CDKAL1: variants seen among roughly 807,000 people sequenced by gnomAD.
CDKAL1 encodes CDKAL1 threonylcarbamoyladenosine tRNA methylthiotransferase.
CDKAL1 carries 32 observed loss-of-function variants against 68.2 expected under a neutral mutation model. That is an observed-to-expected ratio of 0.47 (90% confidence interval 0.35 to 0.63). The LOEUF is 0.63. Among genes scored for constraint, CDKAL1 ranks in the 30% least tolerant of loss-of-function variants. The probability of loss-of-function intolerance (pLI) is 0.00; values close to 1 mark genes in which losing one functional copy is unlikely to be tolerated. For synonymous variants in CDKAL1, 234 were observed against 244.3 expected, an observed-to-expected ratio of 0.96 and a Z score of 0.39; for missense variants, 606 against 696.7, an observed-to-expected ratio of 0.87 and a Z score of 1.47.
chr6:21,005,575 A>G (rs574957522), intron 11 of CDKAL1, among the ~76,000 whole-genome samples: 1 of 152,186 alleles, frequency 6.6e-6, no homozygotes, highest in Non-Finnish European at 1.5e-5. Flanking sequence ...ATTTGAATGA[A>G]TTAATAAACG....
At chr6:20,593,254 C>T (rs1397049805) in intron 4 of CDKAL1, among the ~76,000 whole-genome samples, 1 of 152,136 alleles carries the variant, frequency 6.6e-6, no homozygotes, top group African/African-American at 2.4e-5. Flanking sequence ...GTACCAGCTC[C>T]TCTTTGTACC....
At chr6:21,047,384 C>G (rs950306260) in intron 11 of CDKAL1, among the ~76,000 whole-genome samples, 2 of 152,262 alleles carry the variant, frequency 1.3e-5, no homozygotes, top group East Asian at 1.9e-4. Context: ...TTGTGAATCT[C>G]CACTTATTCC....
At chr6:20,641,867 G>A (rs1768194564) in intron 4 of CDKAL1, among the ~76,000 whole-genome samples, 1 of 152,120 alleles carries the variant, frequency 6.6e-6, no homozygotes, top group African/African-American at 2.4e-5. Flanking sequence ...GGTATGTGAT[G>A]TAAGTATCCT....
At position 20,740,453 on chromosome 6, in the gene CDKAL1, A is replaced by C. The variant is rs1398897072; in HGVS notation, c.468+838A>C. ...GCCCTGAAGTAGCTGATATTCAGTC[A>C]ATATTTGTTGATCAAATGATGGTGC... On this transcript the variant is annotated intron_variant, in intron 6 of 15. Transcript: ENST00000274695. Among the ~76,000 whole-genome samples the C allele has an allele frequency of 2.0e-5, 3 of 152,262 alleles. No homozygotes were observed. In the East Asian group the frequency reaches 5.8e-4, roughly 29 times the overall value.
intron 7 of CDKAL1, among the ~76,000 whole-genome samples, chr6:20,779,003 A>G (rs961883344): frequency 2.6e-5 from 4 of 152,350 alleles, no homozygotes; most frequent in Admixed American, 2.0e-4. Flanking sequence ...ATTCTACTGA[A>G]TAAGAAATAC....
At chr6:20,631,106 A>C (rs983948820) in intron 4 of CDKAL1, among the ~76,000 whole-genome samples, 4 of 152,190 alleles carry the variant, frequency 2.6e-5, no homozygotes, top group African/African-American at 4.8e-5. Flanking sequence ...TTTTAAGTCC[A>C]TTGTGTTGTC....
At chr6:20,558,360 A>G (rs1764141898) in intron 4 of CDKAL1, among the ~76,000 whole-genome samples, 1 of 152,210 alleles carries the variant, frequency 6.6e-6, no homozygotes, top group Admixed American at 6.5e-5. Context: ...ATCTGCCCAG[A>G]CAACAAAAAT....
chr6:20,547,635 T>G (rs760828681), intron 3 of CDKAL1, among the ~76,000 whole-genome samples: 46 of 152,222 alleles, frequency 3.0e-4, no homozygotes, highest in Non-Finnish European at 6.3e-4. Flanking sequence ...ACTAAGCTTT[T>G]AAATTCTTGG....
chr6:20,874,852 G>A (rs536396509), intron 9 of CDKAL1, among the ~76,000 whole-genome samples: 16 of 152,004 alleles, frequency 1.1e-4, no homozygotes, highest in Non-Finnish European at 2.1e-4. Flanking sequence ...ATGAGAGGGC[G>A]ACTTCAGAAG....
chr6:20,919,195 A>G (rs1264086960), intron 9 of CDKAL1, among the ~76,000 whole-genome samples: 5 of 152,232 alleles, frequency 3.3e-5, no homozygotes, highest in Non-Finnish European at 7.3e-5. Context: ...AAGAGGAAGG[A>G]TAACTGATAG....
At chr6:20,996,604 A>G (rs980558072) in intron 10 of CDKAL1, among the ~76,000 whole-genome samples, 1 of 152,212 alleles carries the variant, frequency 6.6e-6, no homozygotes, top group African/African-American at 2.4e-5. Flanking sequence ...GGTTTGTGGC[A>G]CCCCAAAATA....
At chr6:20,940,991 G>A (rs561825659) in intron 9 of CDKAL1, among the ~76,000 whole-genome samples, 1 of 152,138 alleles carries the variant, frequency 6.6e-6, no homozygotes, top group East Asian at 1.9e-4. Flanking sequence ...TCGGGAGGCT[G>A]AGGCAGAATG....
chr6:20,981,263 G>C (rs755216263), intron 10 of CDKAL1, among the ~76,000 whole-genome samples: 31 of 152,196 alleles, frequency 2.0e-4, no homozygotes, highest in African/African-American at 6.7e-4. Context: ...TTAATGAGTC[G>C]TTTTGAATGT....
At chr6:20,624,269 A>G (rs1767326053) in intron 4 of CDKAL1, among the ~76,000 whole-genome samples, 1 of 152,166 alleles carries the variant, frequency 6.6e-6, no homozygotes, top group East Asian at 1.9e-4. Context: ...CACTTGAGAA[A>G]TACTATTTAG....
chr6:21,079,283 C>G (rs1482145058), intron 12 of CDKAL1, among the ~76,000 whole-genome samples: 1 of 152,034 alleles, frequency 6.6e-6, no homozygotes, highest in African/African-American at 2.4e-5. Context: ...TGTTAAATAG[C>G]TTTAAACTGT....
chr6:20,926,490 G>A (rs1763194986), intron 9 of CDKAL1, among the ~76,000 whole-genome samples: 1 of 152,046 alleles, frequency 6.6e-6, no homozygotes, highest in African/African-American at 2.4e-5. Context: ...GTTACAAGGA[G>A]AAGAGGCACA....
chr6:21,015,649 G>A (rs984660761), intron 11 of CDKAL1, among the ~76,000 whole-genome samples: 4 of 151,936 alleles, frequency 2.6e-5, no homozygotes, highest in South Asian at 2.1e-4. Context: ...CGTGATAGCC[G>A]GGTGCGGTGG....
intron 11 of CDKAL1, among the ~76,000 whole-genome samples, chr6:21,014,449 A>G (rs1307175455): frequency 6.6e-6 from 1 of 152,076 alleles, no homozygotes; most frequent in East Asian, 1.9e-4. Flanking sequence ...AAAAATGCAA[A>G]CAAACAAAAA....
chr6:20,797,579 C>T (rs1340481073), intron 8 of CDKAL1, among the ~76,000 whole-genome samples: 1 of 152,022 alleles, frequency 6.6e-6, no homozygotes, highest in East Asian at 1.9e-4. Context: ...AAACTGAAAA[C>T]AACTCCTGTA....
Sources: gnomAD v4.1 joint callset for allele counts (sites outside exome capture counted in the v4.1 genomes callset) on GRCh38, gnomAD v4.1.1 for gene constraint, MANE v1.5 for transcripts, NCBI Gene and HGNC (gene_info 2026-07-23, HGNC 2026-07-21) for gene names.